Variants in NEB observed in about 807,000 individuals in gnomAD.
NEB encodes the protein nebulin.
In NEB, 512 loss-of-function variants were observed where a neutral mutation model predicts 952.2. That is an observed-to-expected ratio of 0.54 (90% CI 0.50 to 0.58). The LOEUF (loss-of-function observed/expected upper bound fraction) is 0.58, where lower values mean the gene tolerates loss of function less well. Among genes scored for constraint, NEB ranks in the 20% least tolerant of loss-of-function variants. The pLI is 0.00. For missense variants in NEB, 8,428 were observed against 9,231.1 expected (o/e 0.91, Z 3.56); for synonymous variants, 2,900 against 3,149.8 (o/e 0.92, Z 2.66).
chr2:151,542,533 C>G (rs549769231), intron 135 of NEB, among the ~76,000 whole-genome samples: 8 of 152,206 alleles, frequency 5.3e-5, no homozygotes, highest in African/African-American at 1.9e-4. Flanking sequence ...TTGTTGATAT[C>G]CCAGTTACTC....
At chr2:151,654,972 T>G (rs1218689819) in intron 51 of NEB, among the ~76,000 whole-genome samples, 2 of 152,170 alleles carry the variant, frequency 1.3e-5, no homozygotes, top group Non-Finnish European at 2.9e-5. Flanking sequence ...CAGGTGCATG[T>G]CATCACACCT....
Position 151,687,794 on chromosome 2 carries a change from T to TA in NEB, c.2416-62dup. ...ACAACAGTGTAATCCAGTAAAAAAA[T>TA]AAAAACATATTGAAAATTTGTGTAT... On this transcript the variant is annotated intron_variant, in intron 25 of 181. Coordinates refer to ENST00000397345, the MANE Select transcript of NEB (RefSeq NM_001164508.2). The TA allele has an allele frequency of 4.1e-6, 6 of 1,451,786 alleles. No individual in the cohort carries two copies. In the South Asian group the frequency reaches 7.4e-5, roughly 18 times the overall value. The allele number at this position is 1,451,786 out of a possible 1,614,324, so 89.9% of individuals were successfully genotyped here. A position where few individuals can be genotyped will look rare whatever the true frequency, so the allele number is the denominator to read the frequency against.
chr2:151,490,250 T>C, intron 180 of NEB, 122 bp downstream of exon 180: 2 of 1,310,772 alleles, frequency 1.5e-6, no homozygotes, highest in Non-Finnish European at 2.1e-6. Flanking sequence ...TTCTAGTCTT[T>C]TCTCATTAAA....
Position 151,657,966 on chromosome 2 carries a change from G to A in NEB, c.6183+17C>T, listed in dbSNP as rs371738434. The A allele has an allele frequency of 1.5e-4, 235 of 1,555,450 alleles. No homozygotes were observed. Among genetic ancestry groups the A allele is most frequent in the African/African-American group, 8.0e-4 (59 of 73,728 alleles). ...CTTAGAAACCCCCAGCCAGGTGACC[G>A]TTTCCTTTGGACTTACATCACTTGC... On this transcript the variant is annotated intron_variant, in intron 48 of 181. Transcript: ENST00000397345.
intron 13 of NEB, 57 bp downstream of exon 13, chr2:151,706,824 A>C (rs781198760): frequency 1.6e-6 from 2 of 1,287,710 alleles, no homozygotes; most frequent in Non-Finnish European, 1.1e-6. Flanking sequence ...TAAAGGAGAA[A>C]ATTTTCATCT....
In NEB at chr2:151,684,932, G is replaced by T. The variant is rs377649771; in HGVS notation, c.2681C>A (p.Thr894Lys). 1.0e-4 allele frequency: 164 copies of T among 1,612,412 alleles called. No homozygotes were observed. The highest frequency in any genetic ancestry group is 1.4e-4 in the Non-Finnish European group (162 of 1,179,304). Residue 894 changes from threonine to lysine, a missense_variant, in exon 28 of 182, where the codon ACG becomes AAG. Transcript: ENST00000397345. ...GACTTGGAGCATATCAAGAGGTGCC[G>T]TGTAGATAGTTTTTGACTTTTCATA... is the stretch of plus-strand genomic sequence containing the variant. ...KDYEKSKTIY[T>K]APLDMLQVTQ...
At position 151,671,090 on chromosome 2, in the gene NEB, T is replaced by C. The variant is rs754279354; in HGVS notation, c.4439A>G (p.Lys1480Arg). The change falls in exon 38 of 182, where the codon AAG (lysine) becomes AGG (arginine). Residue 1480 changes from lysine to arginine, a missense_variant. Physicochemically the swap from Lys to Arg is conservative, Grantham distance 26. Transcript: ENST00000397345. ...RKYRQHPDTVKFTSVPDSMGM... is the reference protein window; with the variant it reads ...RKYRQHPDTVRFTSVPDSMGM... ...CATGGAATCAGGCACACTTGTGAAC[T>C]TGACGGTATCTGGGTGCTGTCGATA... is the stretch of plus-strand genomic sequence containing the variant. 1.9e-6 allele frequency: 3 copies of C among 1,614,020 alleles called. No homozygotes were observed. Among genetic ancestry groups the C allele is most frequent in the Non-Finnish European group, 1.7e-6 (2 of 1,179,890 alleles).
chr2:151,616,655 C>T (rs1386984954), intron 75 of NEB, among the ~76,000 whole-genome samples: 2 of 152,166 alleles, frequency 1.3e-5, no homozygotes, highest in Non-Finnish European at 2.9e-5. Flanking sequence ...AATTGTGCCA[C>T]TGCACTCCAG....
At chr2:151,498,730 A>G (rs1003474426) in intron 169 of NEB, among the ~76,000 whole-genome samples, 4 of 152,176 alleles carry the variant, frequency 2.6e-5, no homozygotes, top group African/African-American at 9.6e-5. Flanking sequence ...TTAATCACAT[A>G]GGGATATTTG....
intron 67 of NEB, among the ~76,000 whole-genome samples, chr2:151,629,857 A>G (rs1333055961): frequency 1.3e-5 from 2 of 152,182 alleles, no homozygotes; most frequent in African/African-American, 4.8e-5. Context: ...ACATTAATAT[A>G]TAGTGATATA....
intron 74 of NEB, 21 bp from the exon 75 acceptor site, chr2:151,617,489 G>T: frequency 1.2e-6 from 1 of 800,474 alleles, no homozygotes; most frequent in Non-Finnish European, 1.8e-6. Flanking sequence ...AAAAAAAAAA[G>T]AGAGAGAGAG....
At chr2:151,730,823 T>G (rs1282578916) in intron 3 of NEB, among the ~76,000 whole-genome samples, 1 of 152,240 alleles carries the variant, frequency 6.6e-6, no homozygotes, top group Middle Eastern at 3.4e-3. Context: ...GCGTTAACAA[T>G]CGTCTAGAAC....
rs185999504 is a variant in NEB at position 151,553,405 on chromosome 2, C to T, written c.19724G>A (p.Arg6575His). The T allele has an allele frequency of 3.6e-5, 58 of 1,610,522 alleles. No homozygotes were observed. The highest frequency in any genetic ancestry group is 1.8e-4 in the Admixed American group (11 of 59,996). ...ILHAKHAYDL[R>H]DDIKYKAHML... ...AAAACAAGGCAAACTCACATCATCA[C>T]GTAGATCATAAGCATGCTTGGCATG... Residue 6575 changes from arginine to histidine, a missense_variant, in exon 127 of 182, where the codon CGT (arginine) becomes CAT (histidine). Physicochemically the swap from Arg to His is conservative, Grantham distance 29. Transcript: ENST00000397345.
chr2:151,714,620 G>A (rs902301418), intron 10 of NEB, among the ~76,000 whole-genome samples: 1 of 152,054 alleles, frequency 6.6e-6, no homozygotes, highest in African/African-American at 2.4e-5. Flanking sequence ...AACCTTCAGT[G>A]GGCCAAGGAG....
chr2:151,696,808 A>T, intron 16 of NEB, 73 bp from the exon 17 acceptor site: 1 of 1,014,474 alleles, frequency 9.9e-7, no homozygotes. Flanking sequence ...GGCCAAGCAA[A>T]TAGAACCTCA....
chr2:151,687,391 A>G (rs2099511158), intron 27 of NEB, 28 bp downstream of exon 27: 1 of 1,583,830 alleles, frequency 6.3e-7, no homozygotes, highest in South Asian at 1.1e-5. Flanking sequence ...CCATCTTGAA[A>G]ACAAGACAGA....
intron 181 of NEB, among the ~76,000 whole-genome samples, chr2:151,487,974 G>T (rs1050506139): frequency 1.3e-5 from 2 of 152,058 alleles, no homozygotes; most frequent in Non-Finnish European, 2.9e-5. Context: ...GATTCAATTT[G>T]ATACTTTGTA....
intron 46 of NEB, among the ~76,000 whole-genome samples, chr2:151,661,134 A>G (rs1392767645): frequency 6.6e-6 from 1 of 152,098 alleles, no homozygotes; most frequent in Non-Finnish European, 1.5e-5. Flanking sequence ...GGAGGATTCA[A>G]CTTGATGGTC....
rs763870394 is a variant in NEB, at chr2:151,496,267, G to A, written c.24486+9C>T. 9 of 1,593,662 alleles carry A rather than the reference G, an allele frequency of 5.6e-6. No homozygotes were observed. The highest frequency in any genetic ancestry group is 2.2e-5 in the South Asian group (2 of 88,970). On this transcript the variant is annotated intron_variant, in intron 173 of 181. Transcript: ENST00000397345. ...CAGTAAGTAGTTTTTTTCTTTTCTC[G>A]CCAAGTACCGAGCTAATATTTTCTT... is the stretch of plus-strand genomic sequence containing the variant.
Sources: allele counts gnomAD v4.1 joint callset (sites outside exome capture counted in the v4.1 genomes callset), GRCh38; gene constraint gnomAD v4.1.1; transcripts MANE v1.5; gene names NCBI Gene and HGNC (gene_info 2026-07-23, HGNC 2026-07-21).